WBP4: variants seen among roughly 807,000 people sequenced by gnomAD.
WBP4 encodes the protein WW domain binding protein 4, also known as WW domain-binding protein 4.
Under a neutral mutation model 55.4 loss-of-function variants are expected in WBP4, and 37 were observed. The observed-to-expected ratio is 0.67, with a 90% confidence interval of 0.51 to 0.88. The LOEUF (loss-of-function observed/expected upper bound fraction) is 0.88, where lower values mean the gene tolerates loss of function less well. WBP4 is among the 40% of genes least tolerant of loss of function. WBP4 has a pLI of 0.00. For synonymous variants in WBP4, 142 were observed against 140.2 expected (o/e 1.01, Z -0.09); for missense variants, 398 against 420.8 (o/e 0.95, Z 0.47).
chr13:41,083,033 A>G lies in WBP4; in HGVS notation c.*119A>G. 1 of 948,826 alleles carries G rather than the reference A, an allele frequency of 1.1e-6. No homozygotes were observed. The highest frequency in any genetic ancestry group is 1.8e-5 in the South Asian group (1 of 55,632). The allele number at this position is 948,826 out of a possible 1,614,324, so 58.8% of individuals were successfully genotyped here. A position where few individuals can be genotyped will look rare whatever the true frequency, so the allele number is the denominator to read the frequency against. ...AAAAATTTAGATTTATTCTAAATGT[A>G]TTTGATGTGAATTAAAATAAATATT... On this transcript the variant is annotated 3_prime_UTR_variant, in exon 10 of 10. Transcript: ENST00000379487.
chr13:41,079,760 C>G (rs1400553017), intron 8 of WBP4, among the ~76,000 whole-genome samples: 1 of 152,084 alleles, frequency 6.6e-6, no homozygotes, highest in Non-Finnish European at 1.5e-5. Context: ...GATACTTGCA[C>G]TCATATATTT....
Position 41,068,595 on chromosome 13 carries a change from C to G in WBP4, c.297C>G (p.Ser99Arg). 6.2e-7 allele frequency: 1 copy of G among 1,612,134 alleles called. No individual in the cohort carries two copies. Among genetic ancestry groups the G allele is most frequent in the African/African-American group, 1.3e-5 (1 of 74,740 alleles). The change falls in exon 5 of 10, where the codon AGC becomes AGG. Residue 99 changes from serine to arginine, a missense_variant. By Grantham distance (110) the Ser-to-Arg change is moderately radical. Transcript: ENST00000379487. ...AGCCAAGCATAACACCAGTAACCAG[C>G]ACTATCCCACCTACCTCGACATCAA... The part of the protein sequence containing the change: ...ILEPSITPVT[S>R]TIPPTSTSNQ...
At chr13:41,077,406 C>T (rs1411024964) in intron 8 of WBP4, among the ~76,000 whole-genome samples, 1 of 151,890 alleles carries the variant, frequency 6.6e-6, no homozygotes, top group Non-Finnish European at 1.5e-5. Flanking sequence ...GCAGGAGAAT[C>T]GATTGAACCT....
intron 4 of WBP4, among the ~76,000 whole-genome samples, chr13:41,067,086 T>C (rs1039077452): frequency 1.3e-5 from 2 of 152,060 alleles, no homozygotes; most frequent in African/African-American, 4.8e-5. Flanking sequence ...CCTCCCGGGC[T>C]CCAGTGATCC....
intron 6 of WBP4, among the ~76,000 whole-genome samples, chr13:41,072,542 G>A (rs775615252): frequency 2.6e-5 from 4 of 152,204 alleles, no homozygotes; most frequent in Non-Finnish European, 4.4e-5. Context: ...TTCAACAACA[G>A]CACCAAAGGT....
rs148208757 is a variant in WBP4, at chr13:41,061,885, C to T, written c.2+210C>T. On this transcript the variant is annotated intron_variant, in intron 1 of 9. Transcript: ENST00000379487. ...CCGCTGAACGCCCTGGGGTATGGGG[C>T]ACGGGCTCTAGGGGGAGGCCGGCGG... 2.6e-5 allele frequency among the ~76,000 whole-genome samples: 4 copies of T among 152,172 alleles called. No homozygotes were observed. The South Asian group carries it at 8.3e-4, about 32-fold the overall frequency.
intron 5 of WBP4, among the ~76,000 whole-genome samples, chr13:41,071,233 T>C (rs540079204): frequency 4.6e-5 from 7 of 152,216 alleles, no homozygotes; most frequent in Non-Finnish European, 8.8e-5. Flanking sequence ...TTGAAACTTA[T>C]CAGACCTGAA....
Position 41,061,516 on chromosome 13 carries a change from G to C in WBP4, c.-158G>C. 8.6e-7 allele frequency: 1 copy of C among 1,167,674 alleles called. No individual in the cohort carries two copies. Among genetic ancestry groups the C allele is most frequent in the Non-Finnish European group, 1.2e-6 (1 of 810,656 alleles). The allele number at this position is 1,167,674 out of a possible 1,614,324, so 72.3% of individuals were successfully genotyped here. A position where few individuals can be genotyped will look rare whatever the true frequency, so the allele number is the denominator to read the frequency against. ...TGGATCGTCTGGGCACCCGTAGTTG[G>C]GAACAGCGGAACGCTGGTCCCGGGG... On this transcript the variant is annotated 5_prime_UTR_variant, in exon 1 of 10. Transcript: ENST00000379487.
intron 7 of WBP4, among the ~76,000 whole-genome samples, chr13:41,074,067 G>A (rs1356377099): frequency 6.6e-6 from 1 of 151,786 alleles, no homozygotes; most frequent in Non-Finnish European, 1.5e-5. Flanking sequence ...AAGTAGCTGG[G>A]ACTACAGGCA....
intron 6 of WBP4, 62 bp from the exon 7 acceptor site, chr13:41,072,720 A>C: frequency 6.7e-7 from 1 of 1,484,082 alleles, no homozygotes; most frequent in Non-Finnish European, 9.3e-7. Flanking sequence ...TGACTGTCTG[A>C]GTTATTCAAT....
At position 41,080,653 on chromosome 13, in the gene WBP4, A is replaced by G; in HGVS notation, c.764A>G (p.Asn255Ser). Reference protein sequence around the residue: ...EKPKIKFKEKNKNSDGGSDPE... With the variant: ...EKPKIKFKEKSKNSDGGSDPE... Reference sequence around the variant, plus strand: ...TTGGCTTTTACATTTCAGGAAAAAAATAAAAATAGTGATGGAGGAAGTGAC... The same window carrying G: ...TTGGCTTTTACATTTCAGGAAAAAAGTAAAAATAGTGATGGAGGAAGTGAC... The change falls in exon 9 of 10, where the codon AAT (asparagine) becomes AGT (serine). Residue 255 changes from asparagine (N) to serine (S), a missense_variant. Coordinates refer to ENST00000379487, the MANE Select transcript of WBP4 (RefSeq NM_007187.5). 6.3e-7 allele frequency: 1 copy of G among 1,577,124 alleles called. No homozygotes were observed. The highest frequency in any genetic ancestry group is 8.5e-7 in the Non-Finnish European group (1 of 1,171,010).
rs996741687 is a variant in WBP4, at chr13:41,064,963, T to G, written c.76-53T>G. 1.0e-5 allele frequency: 15 copies of G among 1,442,976 alleles called. No homozygotes were observed. In the Admixed American group the frequency reaches 3.5e-4, roughly 34 times the overall value. The allele number at this position is 1,442,976 out of a possible 1,614,324, so 89.4% of individuals were successfully genotyped here. On this transcript the variant is annotated intron_variant, in intron 2 of 9. Transcript: ENST00000379487. ...ATGAGAAAATTATGTTTACTATGAA[T>G]TTTATGATGTTTATGTAGTTTTCTT...
intron 2 of WBP4, 63 bp from the exon 3 acceptor site, chr13:41,064,953 T>G: frequency 7.3e-7 from 1 of 1,378,924 alleles, no homozygotes; most frequent in Non-Finnish European, 9.8e-7. Flanking sequence ...AAAATTATGT[T>G]TACTATGAAT....
At chr13:41,073,385 C>T (rs956656539) in intron 7 of WBP4, among the ~76,000 whole-genome samples, 2 of 151,736 alleles carry the variant, frequency 1.3e-5, no homozygotes, top group African/African-American at 4.8e-5. Context: ...TGTGGTGGCA[C>T]ATGCCTGTAA....
chr13:41,074,207 A>C (rs929919240), intron 7 of WBP4, among the ~76,000 whole-genome samples: 1 of 152,230 alleles, frequency 6.6e-6, no homozygotes, highest in African/African-American at 2.4e-5. Context: ...CTGGGATTAC[A>C]GGCGTGAGCC....
chr13:41,066,691 T>C (rs1877988078), intron 4 of WBP4, among the ~76,000 whole-genome samples: 1 of 152,250 alleles, frequency 6.6e-6, no homozygotes, highest in Non-Finnish European at 1.5e-5. Flanking sequence ...ATTTTGTCTC[T>C]GTACTATAAT....
In WBP4 at chr13:41,072,825, G is replaced by A. The variant is rs1487429472; in HGVS notation, c.530G>A (p.Gly177Asp). The A allele has an allele frequency of 1.2e-6, 2 of 1,613,482 alleles. No homozygotes were observed. The highest frequency in any genetic ancestry group is 1.3e-5 in the African/African-American group (1 of 74,954). The change falls in exon 7 of 10, where the codon GGT becomes GAT. Residue 177 changes from glycine to aspartate, a missense_variant. Coordinates refer to ENST00000379487, the MANE Select transcript of WBP4 (RefSeq NM_007187.5). Reference sequence around the variant, plus strand: ...TGGGTAGAAGGTTTAAGTGAAGATGGTTTTACCTATTACTATAATACAGAA... The same window carrying A: ...TGGGTAGAAGGTTTAAGTGAAGATGATTTTACCTATTACTATAATACAGAA... ...TVWVEGLSED[G>D]FTYYYNTETG... is the part of the protein sequence containing the mutation.
At position 41,076,095 on chromosome 13, in the gene WBP4, C is replaced by A; in HGVS notation, c.614C>A (p.Pro205His). Residue 205 changes from proline (P) to histidine (H), a missense_variant, in exon 8 of 10, where the codon CCT (proline) becomes CAT (histidine). Coordinates refer to ENST00000379487, the MANE Select transcript of WBP4 (RefSeq NM_007187.5). The stretch of plus-strand genomic sequence containing the variant: ...TTCATTCCACACACTAGTGATCTGC[C>A]TTCTAGTAAGGTCAATGAAAATTCA... The part of the protein sequence containing the change: ...DDFIPHTSDL[P>H]SSKVNENSLG... 6.2e-7 allele frequency: 1 copy of A among 1,613,352 alleles called. No homozygotes were observed. The highest frequency in any genetic ancestry group is 1.3e-5 in the African/African-American group (1 of 74,776).
At chr13:41,080,409 A>G (rs1242547181) in intron 8 of WBP4, among the ~76,000 whole-genome samples, 1 of 152,300 alleles carries the variant, frequency 6.6e-6, no homozygotes, top group Non-Finnish European at 1.5e-5. Flanking sequence ...TTAATTGTAG[A>G]ACTTAAGACA....
Sources: allele counts gnomAD v4.1 joint callset (sites outside exome capture counted in the v4.1 genomes callset), GRCh38; gene constraint gnomAD v4.1.1; transcripts MANE v1.5; gene names NCBI Gene and HGNC (gene_info 2026-07-23, HGNC 2026-07-21).